Variants in MZT1 observed in about 807,000 individuals in gnomAD.
The protein encoded by MZT1 is mitotic spindle organizing protein 1, also known as mitotic-spindle organizing protein 1.
Under a neutral mutation model 8.5 loss-of-function variants are expected in MZT1, and 8 were observed. That is an observed-to-expected ratio of 0.94 (90% CI 0.55 to 1.70). The LOEUF (loss-of-function observed/expected upper bound fraction) is 1.70, where lower values mean the gene tolerates loss of function less well. Among genes scored for constraint, MZT1 ranks in the 40% most tolerant of loss-of-function variants. The pLI, the probability that MZT1 is intolerant of heterozygous loss-of-function variation, is 0.00. For missense variants in MZT1, 93 were observed against 108.6 expected, an observed-to-expected ratio of 0.86 and a Z score of 0.64; for synonymous variants, 38 against 42.0, an observed-to-expected ratio of 0.90 and a Z score of 0.37.
intron 2 of MZT1, among the ~76,000 whole-genome samples, chr13:72,715,460 T>A (rs548923627): frequency 1.1e-4 from 16 of 152,146 alleles, no homozygotes; most frequent in Non-Finnish European, 1.9e-4. Flanking sequence ...GAAGGCATGA[T>A]TGTATGTTGC....
intron 2 of MZT1, among the ~76,000 whole-genome samples, chr13:72,712,445 C>T (rs1225185820): frequency 3.9e-5 from 6 of 152,190 alleles, no homozygotes; most frequent in Non-Finnish European, 5.9e-5. Flanking sequence ...TGAGCCAGCA[C>T]GCCTAGCTGA....
chr13:72,727,568 G>A lies in MZT1; in HGVS notation c.35C>T (p.Ala12Val), dbSNP rs776796592. 1.9e-6 allele frequency: 3 copies of A among 1,595,448 alleles called. No homozygotes were observed. Among genetic ancestry groups the A allele is most frequent in the Non-Finnish European group, 2.6e-6 (3 of 1,168,136 alleles). ...CGCATTCAGATTCGCCGCCGCGGCC[G>A]CCGCCGCCGCCCCAGCACCGCTGCT... Reference protein sequence around the residue: ...ASSSGAGAAAAAAAANLNAVR... With the variant: ...ASSSGAGAAAVAAAANLNAVR... The change falls in exon 1 of 3, where the codon GCG (alanine) becomes GTG (valine). Residue 12 changes from alanine (A) to valine (V), a missense_variant. Ala to Val is a moderately conservative substitution (Grantham distance 64, BLOSUM62 0). Coordinates refer to ENST00000377818, the MANE Select transcript of MZT1 (RefSeq NM_001071775.3).
chr13:72,719,632 T>C (rs1200365373), intron 1 of MZT1, among the ~76,000 whole-genome samples: 1 of 152,302 alleles, frequency 6.6e-6, no homozygotes, highest in South Asian at 2.1e-4. Context: ...TGAATTGACA[T>C]ACAATAGTCA....
At chr13:72,714,949 T>G (rs2032520532) in intron 2 of MZT1, among the ~76,000 whole-genome samples, 1 of 152,186 alleles carries the variant, frequency 6.6e-6, no homozygotes, top group South Asian at 2.1e-4. Flanking sequence ...ATGTCCTCAC[T>G]GGGGAACTGC....
rs2032694154 is a variant in MZT1, at chr13:72,727,591, G to A, written c.12C>T (p.Ser4=). The change falls in exon 1 of 3, where the codon AGC becomes AGT. Residue 4 remains serine (S), a synonymous_variant. Transcript: ENST00000377818. MAS[S]SGAGAAAAAA... is the part of the protein sequence containing the mutation. Reference sequence around the variant, plus strand: ...CCGCCGCCGCCGCCCCAGCACCGCTGCTACTCGCCATGGCTAAGGCCGAGG... The same window carrying A: ...CCGCCGCCGCCGCCCCAGCACCGCTACTACTCGCCATGGCTAAGGCCGAGG... 1 of 1,600,160 alleles carries A rather than the reference G, an allele frequency of 6.2e-7. No individual in the cohort carries two copies. The highest frequency in any genetic ancestry group is 1.7e-5 in the Admixed American group (1 of 58,300).
At chr13:72,723,233 T>C (rs958915771) in intron 1 of MZT1, among the ~76,000 whole-genome samples, 11 of 152,248 alleles carry the variant, frequency 7.2e-5, no homozygotes, top group Non-Finnish European at 1.3e-4. Flanking sequence ...GCTGTTTTCT[T>C]AGTCCATCTC....
intron 1 of MZT1, among the ~76,000 whole-genome samples, chr13:72,720,981 T>C (rs974340494): frequency 1.3e-5 from 2 of 152,094 alleles, no homozygotes; most frequent in Non-Finnish European, 2.9e-5. Flanking sequence ...TTTGGAGATA[T>C]GGAGTATAGT....
intron 2 of MZT1, among the ~76,000 whole-genome samples, chr13:72,714,784 A>G (rs781639873): frequency 5.9e-5 from 9 of 152,238 alleles, no homozygotes; most frequent in Non-Finnish European, 1.0e-4. Context: ...CACAGAGTAC[A>G]ATGGCTGAGG....
intron 2 of MZT1, among the ~76,000 whole-genome samples, chr13:72,716,275 A>G (rs2032534211): frequency 6.6e-6 from 1 of 152,108 alleles, no homozygotes; most frequent in South Asian, 2.1e-4. Context: ...AAAAGTGAGG[A>G]TAGTAGTTAC....
chr13:72,724,752 A>ATATATATATATATATATATATGTGTGTG (rs1180726488), intron 1 of MZT1, among the ~76,000 whole-genome samples: 1 of 56,856 alleles, frequency 1.8e-5, no homozygotes, highest in African/African-American at 5.0e-5. Flanking sequence ...ACATATATAT[A>ATATATATATATATATATATATGTGTGTG]TGTAAAGTGG....
At chr13:72,718,230 G>T (rs559718581) in intron 2 of MZT1, among the ~76,000 whole-genome samples, 1 of 152,218 alleles carries the variant, frequency 6.6e-6, no homozygotes, top group South Asian at 2.1e-4. Flanking sequence ...TTGGCTATTT[G>T]TGTCCAAATT....
At chr13:72,727,489 G>C in intron 1 of MZT1, 35 bp downstream of exon 1, 1 of 1,604,240 alleles carries the variant, frequency 6.2e-7, no homozygotes, top group South Asian at 1.1e-5. Context: ...CTCTGGGAAG[G>C]CACGCAAGGT....
At chr13:72,710,459 G>T in intron 2 of MZT1, 114 bp from the exon 3 acceptor site, 1 of 942,606 alleles carries the variant, frequency 1.1e-6, no homozygotes, top group Non-Finnish European at 1.7e-6. Flanking sequence ...CCATAAAACA[G>T]AACCACTTTT....
At chr13:72,718,312 A>G (rs1238037848) in intron 2 of MZT1, among the ~76,000 whole-genome samples, 1 of 152,204 alleles carries the variant, frequency 6.6e-6, no homozygotes, top group African/African-American at 2.4e-5. Flanking sequence ...TAATTTGATT[A>G]TATCTGCAAA....
chr13:72,718,565 C>T (rs1169337642), intron 2 of MZT1, among the ~76,000 whole-genome samples: 1 of 152,060 alleles, frequency 6.6e-6, no homozygotes, highest in East Asian at 1.9e-4. Flanking sequence ...AAGCTCCGCG[C>T]CTCCTGGGTT....
Position 72,710,296 on chromosome 13 carries a change from T to C in MZT1, c.*26A>G. The stretch of plus-strand genomic sequence containing the variant: ...TCAAACCCTCTTGCAGAGCTTGACA[T>C]ATCTCATCAGAATTTCTCCAGAAAG... On this transcript the variant is annotated 3_prime_UTR_variant, in exon 3 of 3. Coordinates refer to ENST00000377818, the MANE Select transcript of MZT1 (RefSeq NM_001071775.3). 6.2e-7 allele frequency: 1 copy of C among 1,611,966 alleles called. No individual in the cohort carries two copies. Among genetic ancestry groups the C allele is most frequent in the Non-Finnish European group, 8.5e-7 (1 of 1,178,302 alleles).
At chr13:72,718,047 T>C (rs1437769264) in intron 2 of MZT1, among the ~76,000 whole-genome samples, 1 of 152,208 alleles carries the variant, frequency 6.6e-6, no homozygotes, top group Non-Finnish European at 1.5e-5. Context: ...AACCACATAT[T>C]AGGTGGGTTA....
chr13:72,714,821 A>T (rs1338182489), intron 2 of MZT1, among the ~76,000 whole-genome samples: 1 of 152,210 alleles, frequency 6.6e-6, no homozygotes, highest in Non-Finnish European at 1.5e-5. Flanking sequence ...TAGATTTCAG[A>T]GGATATATGG....
intron 1 of MZT1, among the ~76,000 whole-genome samples, chr13:72,720,329 C>T (rs952256186): frequency 3.3e-5 from 5 of 152,076 alleles, no homozygotes; most frequent in African/African-American, 9.7e-5. Flanking sequence ...GTAAACATTC[C>T]GTTGTCATCT....
Sources: gnomAD v4.1 joint callset for allele counts (sites outside exome capture counted in the v4.1 genomes callset) on GRCh38, gnomAD v4.1.1 for gene constraint, MANE v1.5 for transcripts, NCBI Gene and HGNC (gene_info 2026-07-23, HGNC 2026-07-21) for gene names.